Variants in DIAPH3 observed in about 807,000 individuals in gnomAD.
The protein encoded by DIAPH3 is diaphanous related formin 3.
A neutral mutation model predicts 144.3 loss-of-function variants in DIAPH3; 117 were observed. That is an observed-to-expected ratio of 0.81 (90% CI 0.70 to 0.95). The LOEUF is 0.95. DIAPH3 is among the 40% of genes least tolerant of loss of function. DIAPH3 has a pLI of 0.00. For synonymous variants in DIAPH3, 519 were observed against 488.9 expected (o/e 1.06, Z -0.81); for missense variants, 1,421 against 1,412.7 (o/e 1.01, Z -0.09).
intron 27 of DIAPH3, among the ~76,000 whole-genome samples, chr13:59,771,233 CACAG>C (rs1379321345): frequency 6.6e-6 from 1 of 152,032 alleles, no homozygotes; most frequent in Non-Finnish European, 1.5e-5. Flanking sequence ...ACAGACAACA[CACAG>C]ACAGCAAAAG....
At chr13:59,902,239 T>A (rs2046475696) in intron 20 of DIAPH3, among the ~76,000 whole-genome samples, 1 of 152,214 alleles carries the variant, frequency 6.6e-6, no homozygotes, top group Non-Finnish European at 1.5e-5. Context: ...GGGAGATGAC[T>A]GGATCATGGG....
At chr13:60,101,352 C>T (rs915233241) in intron 3 of DIAPH3, among the ~76,000 whole-genome samples, 1 of 152,136 alleles carries the variant, frequency 6.6e-6, no homozygotes, top group African/African-American at 2.4e-5. Context: ...TGACTGAACA[C>T]TTCCACTGCC....
rs766301262 is a variant in DIAPH3 at position 59,971,030 on chromosome 13, G to A, written c.1781C>T (p.Pro594Leu). The A allele has an allele frequency of 1.2e-6, 2 of 1,613,450 alleles. No homozygotes were observed. The highest frequency in any genetic ancestry group is 1.7e-5 in the Admixed American group (1 of 59,964). The change falls in exon 16 of 28, where the codon CCA becomes CTA. Residue 594 changes from proline to leucine, a missense_variant. Pro to Leu is a moderately conservative substitution (Grantham distance 98). Transcript: ENST00000400324. ...GGGVPPPPPP[P>L]PPPPLPGMRM... ...CATTCCTGGAAGTGGAGGAGGTGGT[G>A]GGGGAGGAGGTGGAGGCGGCACCCC...
rs1298611857 is a variant in DIAPH3 at position 59,879,221 on chromosome 13, A to C, written c.2607+8T>G. On this transcript the variant is annotated splice_region_variant and intron_variant, in intron 21 of 27. Coordinates refer to ENST00000400324, the MANE Select transcript of DIAPH3 (RefSeq NM_001042517.2). Reference sequence around the variant, plus strand: ...GGCAAATATGTGTTTTTAAAAAAACAAACTCACTTTACAGAGAGAGCTAAG... The same window carrying C: ...GGCAAATATGTGTTTTTAAAAAAACCAACTCACTTTACAGAGAGAGCTAAG... 1 of 1,613,584 alleles carries C rather than the reference A, an allele frequency of 6.2e-7. No individual in the cohort carries two copies. Among genetic ancestry groups the C allele is most frequent in the Admixed American group, 1.7e-5 (1 of 59,948 alleles).
chr13:59,713,030 A>T (rs187105930), intron 27 of DIAPH3, among the ~76,000 whole-genome samples: 1 of 152,134 alleles, frequency 6.6e-6, no homozygotes, highest in Non-Finnish European at 1.5e-5. Context: ...CGCTGATCTG[A>T]CAGGAGGCGG....
chr13:59,871,899 G>A (rs952448498), intron 21 of DIAPH3, among the ~76,000 whole-genome samples: 10 of 152,004 alleles, frequency 6.6e-5, no homozygotes, highest in Middle Eastern at 3.2e-3. Flanking sequence ...ATATTCTTCC[G>A]TTATCTTTTT....
chr13:59,666,389 A>T lies in DIAPH3; in HGVS notation c.*195T>A. The T allele has an allele frequency of 1.8e-6, 1 of 553,220 alleles. No homozygotes were observed. Among genetic ancestry groups the T allele is most frequent in the Non-Finnish European group, 3.0e-6 (1 of 335,364 alleles). The allele number at this position is 553,220 out of a possible 1,614,324, so 34.3% of individuals were successfully genotyped here. A position where few individuals can be genotyped will look rare whatever the true frequency, so the allele number is the denominator to read the frequency against. On this transcript the variant is annotated 3_prime_UTR_variant, in exon 28 of 28. Transcript: ENST00000400324. Reference sequence around the variant, plus strand: ...AAAAAAAAAAGGATTAAAGCCCGGTACAATCTTGAATAAACCAAAACCTCC... The same window carrying T: ...AAAAAAAAAAGGATTAAAGCCCGGTTCAATCTTGAATAAACCAAAACCTCC...
At chr13:59,784,712 G>A (rs341564) in intron 25 of DIAPH3, among the ~76,000 whole-genome samples, 93,456 of 151,936 alleles carry the variant, frequency 0.62, 29,147 homozygotes, top group East Asian at 0.7. Context: ...TAAGTGACGT[G>A]AAGATTACAA....
intron 2 of DIAPH3, among the ~76,000 whole-genome samples, chr13:60,123,676 G>T (rs1314744042): frequency 6.6e-6 from 1 of 152,044 alleles, no homozygotes; most frequent in African/African-American, 2.4e-5. Context: ...ATCCATGCTG[G>T]TATTTCTACT....
chr13:59,723,597 G>A (rs1291639808), intron 27 of DIAPH3, among the ~76,000 whole-genome samples: 5 of 151,658 alleles, frequency 3.3e-5, no homozygotes, highest in Non-Finnish European at 5.9e-5. Flanking sequence ...GACACTGATC[G>A]AAAATGATGG....
intron 27 of DIAPH3, among the ~76,000 whole-genome samples, chr13:59,671,711 A>G (rs2032384620): frequency 6.6e-6 from 1 of 152,198 alleles, no homozygotes; most frequent in Admixed American, 6.5e-5. Flanking sequence ...ATTTTCCTTT[A>G]AGATAGGAAT....
chr13:59,695,564 A>C (rs984225646), intron 27 of DIAPH3: 1 of 152,240 alleles, frequency 6.6e-6, no homozygotes, highest in African/African-American at 2.4e-5. Context: ...TCCTCTCCTA[A>C]GTATCAGAAA....
chr13:59,902,073 T>G (rs2046465784), intron 20 of DIAPH3, among the ~76,000 whole-genome samples: 1 of 152,218 alleles, frequency 6.6e-6, no homozygotes, highest in Non-Finnish European at 1.5e-5. Flanking sequence ...TCCATGAATG[T>G]CACTATATTT....
Position 59,911,804 on chromosome 13 carries a change from T to C in DIAPH3, c.2298A>G (p.Gln766=), listed in dbSNP as rs755775063. The C allele has an allele frequency of 1.2e-6, 2 of 1,613,450 alleles. No individual in the cohort carries two copies. The highest frequency in any genetic ancestry group is 3.3e-5 in the Admixed American group (2 of 60,016). ...NLIKHLPDQE[Q]LNSLSQFKSE... ...TCTTGAACTGAGACAATGAATTTAA[T>C]TGCTCTTGATCAGGAAGATGCTTTA... The change falls in exon 20 of 28, where the codon CAA becomes CAG. Residue 766 remains glutamine, a synonymous_variant. Coordinates refer to ENST00000400324, the MANE Select transcript of DIAPH3 (RefSeq NM_001042517.2).
intron 27 of DIAPH3, among the ~76,000 whole-genome samples, chr13:59,724,519 T>G (rs915394324): frequency 6.6e-6 from 1 of 152,216 alleles, no homozygotes; most frequent in African/African-American, 2.4e-5. Context: ...AAGTATGAAT[T>G]TGCCTAGAAG....
At chr13:60,125,479 A>G (rs574723092) in intron 2 of DIAPH3, among the ~76,000 whole-genome samples, 1 of 141,872 alleles carries the variant, frequency 7.0e-6, no homozygotes, top group African/African-American at 2.7e-5. Context: ...GGGCTCATGC[A>G]GTCCTCCCAC....
intron 5 of DIAPH3, among the ~76,000 whole-genome samples, chr13:60,018,264 A>G (rs2053789009): frequency 6.6e-6 from 1 of 152,184 alleles, no homozygotes; most frequent in Non-Finnish European, 1.5e-5. Context: ...ATTGTGAAGA[A>G]TAAAATCACT....
At chr13:60,058,678 G>GTA (rs766368172) in intron 4 of DIAPH3, among the ~76,000 whole-genome samples, 19 of 151,834 alleles carry the variant, frequency 1.3e-4, no homozygotes, top group Non-Finnish European at 2.4e-4. Context: ...ACATGTGTAT[G>GTA]TATATATATA....
intron 21 of DIAPH3, among the ~76,000 whole-genome samples, chr13:59,863,267 G>A (rs1025273070): frequency 2.0e-5 from 3 of 149,770 alleles, no homozygotes; most frequent in African/African-American, 7.6e-5. Flanking sequence ...TTAGAGCAGA[G>A]ATACAAATAA....
Sources: gnomAD v4.1 joint callset for allele counts (sites outside exome capture counted in the v4.1 genomes callset) on GRCh38, gnomAD v4.1.1 for gene constraint, MANE v1.5 for transcripts, NCBI Gene and HGNC (gene_info 2026-07-23, HGNC 2026-07-21) for gene names.